The following SEMA3E variants were observed in gnomAD, a reference collection of about 807,000 sequenced individuals.
SEMA3E encodes semaphorin-3E.
A neutral mutation model predicts 93.6 loss-of-function variants in SEMA3E; 49 were observed. That is an observed-to-expected ratio of 0.52 (90% confidence interval 0.42 to 0.66). SEMA3E has a LOEUF of 0.66. Among genes scored for constraint, SEMA3E ranks in the 30% least tolerant of loss-of-function variants. The pLI, the probability that SEMA3E is intolerant of heterozygous loss-of-function variation, is 0.00. For synonymous variants in SEMA3E, 363 were observed against 330.7 expected (o/e 1.10, Z -1.06); for missense variants, 906 against 964.8 (o/e 0.94, Z 0.81).
intron 1 of SEMA3E, among the ~76,000 whole-genome samples, chr7:83,585,982 TA>T (rs1196860399): frequency 6.6e-6 from 1 of 152,134 alleles, no homozygotes; most frequent in Non-Finnish European, 1.5e-5. Flanking sequence ...AAATGATCAA[TA>T]AATGGTAACT....
rs370903913 is a variant in SEMA3E at position 83,548,758 on chromosome 7, A to G, written c.116-58484T>C. Among the ~76,000 whole-genome samples the G allele has an allele frequency of 7.9e-5, 12 of 152,244 alleles. 1 individual carries two copies. Among genetic ancestry groups the G allele is most frequent in the Admixed American group, 6.6e-5 (1 of 15,264 alleles). ...CTAATATGTTGTTCCTAAATACACC[A>G]CGCAGCCTTTTCCTCTTAGGTATGA... is the stretch of plus-strand genomic sequence containing the variant. On this transcript the variant is annotated intron_variant, in intron 1 of 16. Coordinates refer to ENST00000643230, the MANE Select transcript of SEMA3E (RefSeq NM_012431.3).
intron 1 of SEMA3E, among the ~76,000 whole-genome samples, chr7:83,553,806 CA>C (rs1226618236): frequency 6.6e-6 from 1 of 152,118 alleles, no homozygotes; most frequent in Non-Finnish European, 1.5e-5. Flanking sequence ...AAAAAATCTT[CA>C]GTGACTCATT....
intron 4 of SEMA3E, among the ~76,000 whole-genome samples, chr7:83,454,272 A>AAAAAAAAAAAAATATATAT (rs1257792756): frequency 9.1e-6 from 1 of 110,136 alleles, no homozygotes; most frequent in African/African-American, 4.3e-5. Flanking sequence ...AAAAAAAAAA[A>AAAAAAAAAAAAATATATAT]ATATATATAT....
Position 83,447,976 on chromosome 7 carries a change from CAAAAT to C in SEMA3E, c.456+18501_456+18505del, listed in dbSNP as rs535257878. Among the ~76,000 whole-genome samples, 15 of 152,214 alleles carry C rather than the reference CAAAAT, an allele frequency of 9.9e-5. No individual in the cohort carries two copies. In the South Asian group the frequency reaches 1.0e-3, roughly 11 times the overall value. On this transcript the variant is annotated intron_variant, in intron 4 of 16. Coordinates refer to ENST00000643230, the MANE Select transcript of SEMA3E (RefSeq NM_012431.3). ...CAGCTGTTTAATCCACACAAACACT[CAAAAT>C]AAAGTTTCTGGACAAAATATCTATA...
intron 1 of SEMA3E, among the ~76,000 whole-genome samples, chr7:83,504,447 A>C (rs1426287989): frequency 1.3e-5 from 2 of 152,192 alleles, no homozygotes; most frequent in East Asian, 3.8e-4. Context: ...ATTTGCTGTT[A>C]AATTACGTGC....
At chr7:83,524,776 T>C (rs1294444434) in intron 1 of SEMA3E, among the ~76,000 whole-genome samples, 2 of 152,062 alleles carry the variant, frequency 1.3e-5, no homozygotes, top group Non-Finnish European at 2.9e-5. Flanking sequence ...TCTCTACTGG[T>C]TGTCTAAATA....
intron 1 of SEMA3E, among the ~76,000 whole-genome samples, chr7:83,560,696 TATGAG>T (rs1167542883): frequency 1.3e-5 from 2 of 151,996 alleles, no homozygotes; most frequent in Admixed American, 1.3e-4. Context: ...TTAATATTTA[TATGAG>T]ATGATATTTT....
At chr7:83,406,484 A>G (rs1788332323) in intron 7 of SEMA3E, among the ~76,000 whole-genome samples, 1 of 151,924 alleles carries the variant, frequency 6.6e-6, no homozygotes, top group South Asian at 2.1e-4. Flanking sequence ...ATACACACAC[A>G]ACACCCATAC....
At position 83,524,344 on chromosome 7, in the gene SEMA3E, T is replaced by A. The variant is rs1791109172; in HGVS notation, c.116-34070A>T. ...TTTTTGTAAATAAAAAGGCCAAACCTGTCTTTACAAGCCTTGGACCAAAAA... is the reference window on the plus strand; with the variant it reads ...TTTTTGTAAATAAAAAGGCCAAACCAGTCTTTACAAGCCTTGGACCAAAAA... On this transcript the variant is annotated intron_variant, in intron 1 of 16. Coordinates refer to ENST00000643230, the MANE Select transcript of SEMA3E (RefSeq NM_012431.3). Among the ~76,000 whole-genome samples, 3 of 152,310 alleles carry A rather than the reference T, an allele frequency of 2.0e-5. No homozygotes were observed. The South Asian group carries it at 6.2e-4, about 32-fold the overall frequency.
At chr7:83,572,164 A>C (rs559476150) in intron 1 of SEMA3E, among the ~76,000 whole-genome samples, 1 of 152,284 alleles carries the variant, frequency 6.6e-6, no homozygotes, top group Admixed American at 6.5e-5. Flanking sequence ...CAATTTACAG[A>C]ATCAATGTTA....
intron 4 of SEMA3E, among the ~76,000 whole-genome samples, chr7:83,443,731 A>T (rs1001055248): frequency 2.0e-5 from 3 of 152,076 alleles, no homozygotes; most frequent in Non-Finnish European, 4.4e-5. Flanking sequence ...TTCAAAAAAA[A>T]TTTAAAGAGT....
intron 14 of SEMA3E, among the ~76,000 whole-genome samples, chr7:83,387,840 TTATATATATGTTTATATATATATA>T (rs1787911507): frequency 6.9e-6 from 1 of 145,668 alleles, no homozygotes; most frequent in Non-Finnish European, 1.5e-5. Context: ...ATATATAACG[TTATATATATGTTTATATATATATA>T]ACATTATATA....
In SEMA3E at chr7:83,609,493, C is replaced by T. The variant is rs529867643; in HGVS notation, c.115+38935G>A. Among the ~76,000 whole-genome samples, 5 of 152,030 alleles carry T rather than the reference C, an allele frequency of 3.3e-5. No individual in the cohort carries two copies. In the East Asian group the frequency reaches 9.7e-4, roughly 29 times the overall value. On this transcript the variant is annotated intron_variant, in intron 1 of 16. Coordinates refer to ENST00000643230, the MANE Select transcript of SEMA3E (RefSeq NM_012431.3). ...TATTTTAATATTGTATTGAGATAGG[C>T]TCTTCCAAATATAAATAAATATTTT... is the stretch of plus-strand genomic sequence containing the variant.
chr7:83,434,193 G>A (rs1463735518), intron 4 of SEMA3E, among the ~76,000 whole-genome samples: 1 of 151,858 alleles, frequency 6.6e-6, no homozygotes, highest in African/African-American at 2.4e-5. Context: ...AAATAATCTG[G>A]AATCAGCAAT....
At chr7:83,640,627 T>A (rs1793988161) in intron 1 of SEMA3E, among the ~76,000 whole-genome samples, 1 of 152,194 alleles carries the variant, frequency 6.6e-6, no homozygotes, top group Admixed American at 6.5e-5. Context: ...TTCTAAAAAA[T>A]TCAAAGGTTA....
chr7:83,621,612 C>T (rs1238596138), intron 1 of SEMA3E, among the ~76,000 whole-genome samples: 1 of 152,138 alleles, frequency 6.6e-6, no homozygotes, highest in Non-Finnish European at 1.5e-5. Flanking sequence ...GCTACAGTAT[C>T]CAAAACACCA....
At chr7:83,499,175 C>T (rs1790548850) in intron 1 of SEMA3E, among the ~76,000 whole-genome samples, 1 of 152,082 alleles carries the variant, frequency 6.6e-6, no homozygotes, top group South Asian at 2.1e-4. Context: ...ACTACTAATA[C>T]AGCACTGCAA....
At chr7:83,410,804 C>T (rs1788425499) in intron 5 of SEMA3E, among the ~76,000 whole-genome samples, 1 of 151,992 alleles carries the variant, frequency 6.6e-6, no homozygotes, top group Admixed American at 6.6e-5. Context: ...GTGAGGATTT[C>T]TCTGAAATAT....
chr7:83,646,129 G>T (rs1317310872), intron 1 of SEMA3E, among the ~76,000 whole-genome samples: 6 of 152,104 alleles, frequency 3.9e-5, no homozygotes, highest in Middle Eastern at 3.4e-3. Flanking sequence ...GATGCTATAT[G>T]ACATATACCT....
Sources: allele counts gnomAD v4.1 joint callset (sites outside exome capture counted in the v4.1 genomes callset), GRCh38; gene constraint gnomAD v4.1.1; transcripts MANE v1.5; gene names NCBI Gene and HGNC (gene_info 2026-07-23, HGNC 2026-07-21).